LPP: variants seen among roughly 807,000 people sequenced by gnomAD.
LPP encodes lipoma-preferred partner.
Under a neutral mutation model 60.4 loss-of-function variants are expected in LPP, and 38 were observed. That is an observed-to-expected ratio of 0.63 (90% CI 0.49 to 0.83). The LOEUF (loss-of-function observed/expected upper bound fraction) is 0.83, where lower values mean the gene tolerates loss of function less well. Among genes scored for constraint, LPP ranks in the 40% least tolerant of loss-of-function variants. The pLI is 0.00. For synonymous variants in LPP, 328 were observed against 290.8 expected (o/e 1.13, Z -1.30); for missense variants, 902 against 783.6 (o/e 1.15, Z -1.80).
intron 7 of LPP, among the ~76,000 whole-genome samples, chr3:188,663,158 G>A (rs1248265183): frequency 1.2e-4 from 19 of 152,212 alleles, no homozygotes; most frequent in Non-Finnish European, 2.2e-4. Context: ...TCATTGGAAG[G>A]CATCTCTGTG....
At position 188,790,947 on chromosome 3, in the gene LPP, C is replaced by T. The variant is rs543055552; in HGVS notation, c.1410+30665C>T. Among the ~76,000 whole-genome samples the T allele has an allele frequency of 1.4e-4, 21 of 146,240 alleles. No homozygotes were observed. In the East Asian group the frequency reaches 2.7e-3, roughly 19 times the overall value. On this transcript the variant is annotated intron_variant, in intron 9 of 11. Coordinates refer to ENST00000617246, the MANE Select transcript of LPP (RefSeq NM_001375462.1). The stretch of plus-strand genomic sequence containing the variant: ...AGAAAAGTCTTCAAAAAAAAAAAAA[C>T]GCTTTAGAAAAACACTTTAGACACT...
chr3:188,427,469 T>G (rs1274143890), intron 4 of LPP, among the ~76,000 whole-genome samples: 1 of 152,174 alleles, frequency 6.6e-6, no homozygotes, highest in Admixed American at 6.5e-5. Flanking sequence ...ATTTCAACCT[T>G]GGTGAATCTG....
At chr3:188,766,896 A>T (rs1169974004) in intron 9 of LPP, among the ~76,000 whole-genome samples, 2 of 152,210 alleles carry the variant, frequency 1.3e-5, no homozygotes, top group African/African-American at 4.8e-5. Flanking sequence ...ACACATCTGT[A>T]TACATGTGGT....
chr3:188,378,541 C>G (rs866726041), intron 3 of LPP, among the ~76,000 whole-genome samples: 42 of 152,298 alleles, frequency 2.8e-4, no homozygotes, highest in African/African-American at 9.9e-4. Flanking sequence ...CCTGATGTGC[C>G]ATTTTTAAAG....
At chr3:188,775,854 AT>A (rs1182711740) in intron 9 of LPP, among the ~76,000 whole-genome samples, 3 of 152,220 alleles carry the variant, frequency 2.0e-5, no homozygotes, top group Non-Finnish European at 2.9e-5. Context: ...GTGCTGTCAG[AT>A]TTTTCTCAAG....
intron 3 of LPP, among the ~76,000 whole-genome samples, chr3:188,389,633 A>G (rs950336552): frequency 3.9e-5 from 6 of 152,066 alleles, no homozygotes; most frequent in Non-Finnish European, 5.9e-5. Flanking sequence ...AAAGTTAGCC[A>G]GGTGTGGTGG....
At chr3:188,601,251 A>C (rs1841111847) in intron 6 of LPP, among the ~76,000 whole-genome samples, 1 of 152,150 alleles carries the variant, frequency 6.6e-6, no homozygotes, top group Admixed American at 6.6e-5. Context: ...TGTATTGATT[A>C]TTTAAATTTT....
At chr3:188,773,235 T>G (rs998791995) in intron 9 of LPP, among the ~76,000 whole-genome samples, 3 of 152,142 alleles carry the variant, frequency 2.0e-5, no homozygotes, top group Non-Finnish European at 4.4e-5. Context: ...TGGATCTTTT[T>G]TTTGCTCTTG....
intron 2 of LPP, among the ~76,000 whole-genome samples, chr3:188,301,083 C>T (rs975973521): frequency 6.6e-6 from 1 of 152,174 alleles, no homozygotes; most frequent in African/African-American, 2.4e-5. Flanking sequence ...TTTCCATACA[C>T]CTGCCCATCC....
intron 1 of LPP, among the ~76,000 whole-genome samples, chr3:188,155,247 G>A (rs1172572064): frequency 6.6e-6 from 1 of 152,060 alleles, no homozygotes. Flanking sequence ...GGGATCCACT[G>A]CTTTCCCTCC....
chr3:188,485,855 T>G (rs1261612421), intron 5 of LPP, among the ~76,000 whole-genome samples: 2 of 147,472 alleles, frequency 1.4e-5, no homozygotes, highest in Non-Finnish European at 3.0e-5. Context: ...TAATAAGGGT[T>G]GGAAACTACT....
intron 9 of LPP, among the ~76,000 whole-genome samples, chr3:188,804,273 ATATATATAT>A (rs1748359742): frequency 2.4e-5 from 3 of 126,772 alleles, no homozygotes; most frequent in Non-Finnish European, 5.0e-5. Flanking sequence ...ATATATATAT[ATATATATAT>A]AAAATGGAAT....
At chr3:188,621,653 CATTTT>C (rs369597177) in intron 7 of LPP, among the ~76,000 whole-genome samples, 5 of 151,910 alleles carry the variant, frequency 3.3e-5, no homozygotes, top group African/African-American at 1.2e-4. Context: ...AGATGGACTC[CATTTT>C]ATTTTATTTT....
intron 7 of LPP, among the ~76,000 whole-genome samples, chr3:188,671,857 T>C (rs1857021715): frequency 6.6e-6 from 1 of 152,186 alleles, no homozygotes; most frequent in Non-Finnish European, 1.5e-5. Context: ...TTGAATATAA[T>C]ATTGACTAAT....
At chr3:188,859,130 G>C (rs1446363975) in intron 9 of LPP, among the ~76,000 whole-genome samples, 2 of 147,018 alleles carry the variant, frequency 1.4e-5, no homozygotes, top group African/African-American at 5.0e-5. Flanking sequence ...TTCATGTCTG[G>C]CAATATTGAG....
intron 9 of LPP, among the ~76,000 whole-genome samples, chr3:188,779,309 G>C (rs977101448): frequency 2.6e-5 from 4 of 152,092 alleles, no homozygotes; most frequent in Admixed American, 6.6e-5. Flanking sequence ...GGATGCTATG[G>C]ACCATGGATT....
intron 7 of LPP, among the ~76,000 whole-genome samples, chr3:188,628,310 G>A (rs1847227429): frequency 6.6e-6 from 1 of 151,812 alleles, no homozygotes; most frequent in Non-Finnish European, 1.5e-5. Flanking sequence ...AAAACCAAAA[G>A]CTGTTTTTTT....
chr3:188,193,149 G>A (rs1481767117), intron 1 of LPP, among the ~76,000 whole-genome samples: 1 of 152,214 alleles, frequency 6.6e-6, no homozygotes, highest in Non-Finnish European at 1.5e-5. Flanking sequence ...ACTTTAGGGA[G>A]AGAATGTGCT....
At chr3:188,240,433 A>T (rs1577479166) in intron 2 of LPP, among the ~76,000 whole-genome samples, 1 of 151,938 alleles carries the variant, frequency 6.6e-6, no homozygotes, top group Non-Finnish European at 1.5e-5. Flanking sequence ...GGGAGAGGTC[A>T]GATTGTTTGA....
Sources: allele counts gnomAD v4.1 joint callset (sites outside exome capture counted in the v4.1 genomes callset), GRCh38; gene constraint gnomAD v4.1.1; transcripts MANE v1.5; gene names NCBI Gene and HGNC (gene_info 2026-07-23, HGNC 2026-07-21).